Variants in NCK1 observed in about 807,000 individuals in gnomAD.
The protein encoded by NCK1 is NCK adaptor protein 1.
Under a neutral mutation model 36.6 loss-of-function variants are expected in NCK1, and 19 were observed. That is an observed-to-expected ratio of 0.52 (90% CI 0.36 to 0.76). The LOEUF (loss-of-function observed/expected upper bound fraction) is 0.76, where lower values mean the gene tolerates loss of function less well. NCK1 is among the 30% of genes least tolerant of loss of function. The probability of loss-of-function intolerance (pLI) is 0.00; values close to 1 mark genes in which losing one functional copy is unlikely to be tolerated. For synonymous variants in NCK1, 165 were observed against 156.0 expected (o/e 1.06, Z -0.43); for missense variants, 358 against 445.6 (o/e 0.80, Z 1.77).
intron 3 of NCK1, among the ~76,000 whole-genome samples, chr3:136,946,675 A>G (rs1002648705): frequency 6.2e-5 from 1 of 16,096 alleles, no homozygotes; most frequent in African/African-American, 1.6e-4. Context: ...ATTGGATGCA[A>G]TGTGTAAGAA....
chr3:136,894,903 A>G (rs1022651812), intron 1 of NCK1, among the ~76,000 whole-genome samples: 13 of 150,956 alleles, frequency 8.6e-5, no homozygotes, highest in African/African-American at 1.9e-4. Context: ...ATGGAGTTTC[A>G]CTCTTGTTGC....
intron 1 of NCK1, among the ~76,000 whole-genome samples, chr3:136,885,080 G>A (rs1939042966): frequency 6.6e-6 from 1 of 152,006 alleles, no homozygotes; most frequent in Non-Finnish European, 1.5e-5. Flanking sequence ...ATTTTTTCAG[G>A]TATACACTGA....
intron 1 of NCK1, among the ~76,000 whole-genome samples, chr3:136,922,959 A>C (rs1940148428): frequency 6.6e-6 from 1 of 152,230 alleles, no homozygotes; most frequent in African/African-American, 2.4e-5. Context: ...AGTGCTACTT[A>C]CATAATGATG....
chr3:136,899,392 A>G lies in NCK1; in HGVS notation c.-18-28592A>G, dbSNP rs1032084671. ...TTTAGGTTCCTTCTCTTTCTTTTCT[A>G]CTGGGGATTTTACCTTCATTTCTTT... On this transcript the variant is annotated intron_variant, in intron 1 of 3. Transcript: ENST00000481752. 4.6e-5 allele frequency: 11 copies of G among 237,278 alleles called. 1 individual carries two copies. The East Asian group carries it at 1.4e-3, about 31-fold the overall frequency. 14.7% of individuals were successfully genotyped at this position (237,278 alleles called of 1,614,324 possible).
At chr3:136,944,111 CCTTTT>C (rs577963034) in intron 2 of NCK1, among the ~76,000 whole-genome samples, 34,840 of 80,526 alleles carry the variant, frequency 0.43, 7,980 homozygotes, top group East Asian at 0.77. Context: ...GGAAAAACAA[CCTTTT>C]TTTTTTTTTT....
chr3:136,933,962 C>A (rs1190689653), intron 2 of NCK1, among the ~76,000 whole-genome samples: 1 of 152,106 alleles, frequency 6.6e-6, no homozygotes, highest in African/African-American at 2.4e-5. Flanking sequence ...CCTGCCTCAG[C>A]CTCCCAAAGT....
At chr3:136,945,507 T>C (rs533411887) in intron 2 of NCK1, 76 bp from the exon 3 acceptor site, 64 of 1,056,364 alleles carry the variant, frequency 6.1e-5, no homozygotes, top group Admixed American at 2.2e-4. Context: ...GATCTCTTTT[T>C]AATAATGAAT....
At chr3:136,891,552 C>T (rs1939246260) in intron 1 of NCK1, among the ~76,000 whole-genome samples, 1 of 152,140 alleles carries the variant, frequency 6.6e-6, no homozygotes, top group South Asian at 2.1e-4. Flanking sequence ...GGTTTGTATC[C>T]ATAAGTGAAA....
intron 1 of NCK1, among the ~76,000 whole-genome samples, chr3:136,916,966 C>T (rs1421659722): frequency 1.3e-5 from 2 of 152,036 alleles, no homozygotes; most frequent in Non-Finnish European, 2.9e-5. Flanking sequence ...GCATATTTTG[C>T]TTATAGGGGC....
rs1445491002 is a variant in NCK1, at chr3:136,949,945, T to A, written c.*1492T>A. 1 of 152,094 alleles carries A rather than the reference T, an allele frequency of 6.6e-6. No individual in the cohort carries two copies. Among genetic ancestry groups the A allele is most frequent in the Non-Finnish European group, 1.5e-5 (1 of 67,932 alleles). 9.4% of individuals were successfully genotyped at this position (152,094 alleles called of 1,614,324 possible). A position where few individuals can be genotyped will look rare whatever the true frequency, so the allele number is the denominator to read the frequency against. On this transcript the variant is annotated 3_prime_UTR_variant, in exon 4 of 4. Coordinates refer to ENST00000481752, the MANE Select transcript of NCK1 (RefSeq NM_001291999.2). ...GGCTTCTCCCACTAAGCAACAGAAGTGACCAAATATAATTAAGACAAATTT... is the reference window on the plus strand; with the variant it reads ...GGCTTCTCCCACTAAGCAACAGAAGAGACCAAATATAATTAAGACAAATTT...
intron 2 of NCK1, among the ~76,000 whole-genome samples, chr3:136,941,723 C>T (rs985802968): frequency 6.9e-6 from 1 of 145,054 alleles, no homozygotes; most frequent in Non-Finnish European, 1.5e-5. Flanking sequence ...CAAAAAAAAA[C>T]TGCAATACTA....
At position 136,941,479 on chromosome 3, in the gene NCK1, A is replaced by G. The variant is rs1024412974; in HGVS notation, c.227-4104A>G. Among the ~76,000 whole-genome samples, 4 of 151,616 alleles carry G rather than the reference A, an allele frequency of 2.6e-5. No individual in the cohort carries two copies. The East Asian group carries it at 7.7e-4, about 29-fold the overall frequency. On this transcript the variant is annotated intron_variant, in intron 2 of 3. Coordinates refer to ENST00000481752, the MANE Select transcript of NCK1 (RefSeq NM_001291999.2). ...TTACCCTTCTTGTTTCTCTTTCTGTATTTTTGTTTTTCCTTAGTGGTTACC... is the reference window on the plus strand; with the variant it reads ...TTACCCTTCTTGTTTCTCTTTCTGTGTTTTTGTTTTTCCTTAGTGGTTACC...
intron 1 of NCK1, chr3:136,899,976 T>TG: frequency 1.4e-6 from 1 of 719,820 alleles, no homozygotes; most frequent in South Asian, 1.5e-5. Context: ...TCTGGATTGC[T>TG]TGTTTAAAGG....
Position 136,950,621 on chromosome 3 carries a change from C to A in NCK1, c.*2168C>A, listed in dbSNP as rs1445592042. Among the ~76,000 whole-genome samples, 1 of 152,118 alleles carries A rather than the reference C, an allele frequency of 6.6e-6. No individual in the cohort carries two copies. Among genetic ancestry groups the A allele is most frequent in the Non-Finnish European group, 1.5e-5 (1 of 67,986 alleles). ...GAAGTAACTTTAAGAACTGAAACAA[C>A]CCTGGAAAACTCTACATAGCTAGAT... is the stretch of plus-strand genomic sequence containing the variant. On this transcript the variant is annotated 3_prime_UTR_variant, in exon 4 of 4. Transcript: ENST00000481752.
At chr3:136,881,954 T>G (rs956705473) in intron 1 of NCK1, among the ~76,000 whole-genome samples, 7 of 152,234 alleles carry the variant, frequency 4.6e-5, no homozygotes, top group Non-Finnish European at 1.0e-4. Context: ...TGCTTCCACA[T>G]TTTAGCTGTT....
At chr3:136,899,680 C>A in intron 1 of NCK1, 2 of 746,536 alleles carry the variant, frequency 2.7e-6, no homozygotes, top group South Asian at 2.8e-5. Context: ...TCTAAATAAT[C>A]ACTGGCTACA....
intron 1 of NCK1, among the ~76,000 whole-genome samples, chr3:136,915,310 CATTA>C (rs927268226): frequency 8.5e-5 from 13 of 152,220 alleles, no homozygotes; most frequent in African/African-American, 2.6e-4. Flanking sequence ...GACGTAGTAG[CATTA>C]ATTAATCCAG....
chr3:136,939,858 TTTTTAAAA>T (rs1940624965), intron 2 of NCK1, among the ~76,000 whole-genome samples: 2 of 72,254 alleles, frequency 2.8e-5, no homozygotes. Flanking sequence ...TTTTTTTTTT[TTTTTAAAA>T]TAGAGACAGG....
At chr3:136,936,017 A>T (rs1218134674) in intron 2 of NCK1, among the ~76,000 whole-genome samples, 1 of 148,144 alleles carries the variant, frequency 6.8e-6, no homozygotes, top group Non-Finnish European at 1.5e-5. Context: ...TCAGTAATTC[A>T]TCCCTTTTAT....
Sources: allele counts gnomAD v4.1 joint callset (sites outside exome capture counted in the v4.1 genomes callset), GRCh38; gene constraint gnomAD v4.1.1; transcripts MANE v1.5; gene names NCBI Gene and HGNC (gene_info 2026-07-23, HGNC 2026-07-21).